The following FER variants were observed in gnomAD, a reference collection of about 807,000 sequenced individuals.
The protein encoded by FER is FER tyrosine kinase, also known as tyrosine-protein kinase Fer.
FER carries 63 observed loss-of-function variants against 111.0 expected under a neutral mutation model. The observed-to-expected ratio is 0.57, with a 90% CI of 0.46 to 0.70. The LOEUF is 0.70. Among genes scored for constraint, FER ranks in the 30% least tolerant of loss-of-function variants. FER has a pLI of 0.00. For synonymous variants in FER, 327 were observed against 313.9 expected (o/e 1.04, Z -0.44); for missense variants, 914 against 954.0 (o/e 0.96, Z 0.55).
At chr5:108,801,809 C>G (rs536915711) in intron 3 of FER, among the ~76,000 whole-genome samples, 2 of 152,102 alleles carry the variant, frequency 1.3e-5, no homozygotes, top group Admixed American at 1.3e-4. Context: ...TTTGGCATAT[C>G]CAAATTACCG....
intron 8 of FER, among the ~76,000 whole-genome samples, chr5:108,881,206 C>T (rs746157292): frequency 3.4e-4 from 51 of 152,040 alleles, no homozygotes; most frequent in African/African-American, 1.2e-3. Flanking sequence ...TCTGTTTTCA[C>T]GATGCTGATA....
At chr5:108,816,368 TC>T (rs1235311705) in intron 3 of FER, among the ~76,000 whole-genome samples, 1 of 152,068 alleles carries the variant, frequency 6.6e-6, no homozygotes, top group African/African-American at 2.4e-5. Context: ...ATTTCAACTT[TC>T]TGTCAAATTT....
At chr5:109,177,319 A>C (rs953536977) in intron 17 of FER, among the ~76,000 whole-genome samples, 1 of 152,092 alleles carries the variant, frequency 6.6e-6, no homozygotes, top group African/African-American at 2.4e-5. Context: ...TTCAGCCAGA[A>C]TCAGGAAACT....
At chr5:108,956,812 C>T (rs1267520486) in intron 12 of FER, among the ~76,000 whole-genome samples, 1 of 151,390 alleles carries the variant, frequency 6.6e-6, no homozygotes, top group Non-Finnish European at 1.5e-5. Flanking sequence ...GGTGAATCTT[C>T]CATGAGCTAA....
chr5:108,750,922 G>C (rs1325523738), intron 1 of FER, among the ~76,000 whole-genome samples: 1 of 152,232 alleles, frequency 6.6e-6, no homozygotes, highest in African/African-American at 2.4e-5. Context: ...GCCGGGCGCG[G>C]TGGCTCATGC....
chr5:108,808,317 T>A (rs138856142), intron 3 of FER, among the ~76,000 whole-genome samples: 2 of 152,244 alleles, frequency 1.3e-5, no homozygotes, highest in Non-Finnish European at 2.9e-5. Flanking sequence ...ATAAGTTAAG[T>A]CTTCTTGTTG....
intron 3 of FER, among the ~76,000 whole-genome samples, chr5:108,817,549 A>G (rs376931403): frequency 6.6e-6 from 1 of 152,314 alleles, no homozygotes; most frequent in African/African-American, 2.4e-5. Context: ...ATTTATAACA[A>G]CTATTATTTA....
In FER at chr5:108,879,701, A is replaced by ATATATATATATATAT. The variant is rs1554084619; in HGVS notation, c.924-3695_924-3694insTATATATATATATAT. 2.4e-3 allele frequency among the ~76,000 whole-genome samples: 235 copies of ATATATATATATATAT among 99,058 alleles called. 2 individuals carry two copies. The highest frequency in any genetic ancestry group is 5.4e-3 in the Middle Eastern group (1 of 186). 65.0% of individuals were successfully genotyped at this position (99,058 alleles called of 152,430 possible). A position where few individuals can be genotyped will look rare whatever the true frequency, so the allele number is the denominator to read the frequency against. Reference sequence around the variant, plus strand: ...ATGTATTTTTTTTAGATTAAAAAAAAATATATATATATATATATATATATT... The same window carrying ATATATATATATATAT: ...ATGTATTTTTTTTAGATTAAAAAAAATATATATATATATATATATATATATATATATATATATATT... On this transcript the variant is annotated intron_variant, in intron 8 of 19. Transcript: ENST00000281092.
Position 108,868,051 on chromosome 5 carries a change from C to T in FER, c.665+101C>T, listed in dbSNP as rs919907569. On this transcript the variant is annotated intron_variant, in intron 6 of 19. Transcript: ENST00000281092. ...TTGCTTCATAAGTTTTATTATTAAC[C>T]CAGTCCAGGGGGTATTTCAGACCTT... 6 of 1,086,620 alleles carry T rather than the reference C, an allele frequency of 5.5e-6. No homozygotes were observed. The South Asian group carries it at 9.8e-5, about 18-fold the overall frequency. The allele number at this position is 1,086,620 out of a possible 1,614,324, so 67.3% of individuals were successfully genotyped here.
At chr5:108,910,688 A>C (rs966261389) in intron 10 of FER, among the ~76,000 whole-genome samples, 1 of 151,952 alleles carries the variant, frequency 6.6e-6, no homozygotes, top group African/African-American at 2.4e-5. Context: ...CTTTATGTCC[A>C]ATATACCCAT....
intron 10 of FER, among the ~76,000 whole-genome samples, chr5:108,941,173 A>G (rs1308552573): frequency 2.0e-5 from 3 of 152,168 alleles, no homozygotes; most frequent in Admixed American, 2.0e-4. Context: ...TAGATGAAGG[A>G]AAACTGATCT....
intron 14 of FER, among the ~76,000 whole-genome samples, chr5:109,042,112 A>G (rs958951140): frequency 6.6e-6 from 1 of 152,148 alleles, no homozygotes; most frequent in Non-Finnish European, 1.5e-5. Context: ...TAGATGAGAA[A>G]GAAGGATCAA....
chr5:109,047,340 C>A, intron 16 of FER, 142 bp downstream of exon 16: 1 of 522,120 alleles, frequency 1.9e-6, no homozygotes, highest in South Asian at 3.2e-5. Context: ...GAGTCTGTAC[C>A]TATAGTCAGT....
chr5:108,832,803 C>G lies in FER; in HGVS notation c.241C>G (p.Leu81Val), dbSNP rs781068594. The G allele has an allele frequency of 1.3e-6, 2 of 1,559,982 alleles. No individual in the cohort carries two copies. Among genetic ancestry groups the G allele is most frequent in the East Asian group, 4.7e-5 (2 of 42,982 alleles). ...WLLMIQQTEQ[L>V]SRIMKTHAED... ...ACTTATGATTCAGCAGACAGAACAA[C>G]TTAGTAGGATAATGAAGACACATGC... The change falls in exon 4 of 20, where the codon CTT (leucine) becomes GTT (valine). Residue 81 changes from leucine (L) to valine (V), a missense_variant. Leu to Val is a conservative substitution (Grantham distance 32). Coordinates refer to ENST00000281092, the MANE Select transcript of FER (RefSeq NM_005246.4).
chr5:109,004,863 A>G lies in FER; in HGVS notation c.1657-32559A>G, dbSNP rs949014799. Among the ~76,000 whole-genome samples, 8 of 152,274 alleles carry G rather than the reference A, an allele frequency of 5.3e-5. No homozygotes were observed. In the East Asian group the frequency reaches 1.2e-3, roughly 22 times the overall value. Reference sequence around the variant, plus strand: ...ATTTTGTGGTGGTTGACAAATTTATATATTTATTAATAAGTATCATATTAC... The same window carrying G: ...ATTTTGTGGTGGTTGACAAATTTATGTATTTATTAATAAGTATCATATTAC... On this transcript the variant is annotated intron_variant, in intron 13 of 19. Transcript: ENST00000281092.
intron 2 of FER, among the ~76,000 whole-genome samples, chr5:108,796,070 C>G (rs894574033): frequency 6.6e-6 from 1 of 152,180 alleles, no homozygotes; most frequent in Admixed American, 6.5e-5. Context: ...GTCATGTAAG[C>G]TGTATCTGTA....
At chr5:109,074,040 G>A (rs1776053665) in intron 16 of FER, among the ~76,000 whole-genome samples, 1 of 152,006 alleles carries the variant, frequency 6.6e-6, no homozygotes, top group Admixed American at 6.6e-5. Context: ...TGAAACTTGA[G>A]GTTGGCTAAA....
At chr5:108,926,768 C>G (rs183513667) in intron 10 of FER, among the ~76,000 whole-genome samples, 1 of 152,136 alleles carries the variant, frequency 6.6e-6, no homozygotes, top group Non-Finnish European at 1.5e-5. Context: ...CATAGGAAGC[C>G]TTTGTATTCT....
At chr5:108,839,723 G>A (rs1222006874) in intron 5 of FER, among the ~76,000 whole-genome samples, 1 of 151,638 alleles carries the variant, frequency 6.6e-6, no homozygotes, top group Non-Finnish European at 1.5e-5. Context: ...GACTACAGGC[G>A]CCCGCCATCA....
Sources: gnomAD v4.1 joint callset for allele counts (sites outside exome capture counted in the v4.1 genomes callset) on GRCh38, gnomAD v4.1.1 for gene constraint, MANE v1.5 for transcripts, NCBI Gene and HGNC (gene_info 2026-07-23, HGNC 2026-07-21) for gene names.